The following RLN2 variants were observed in gnomAD, a reference collection of about 807,000 sequenced individuals.
RLN2 encodes the protein relaxin 2.
In RLN2, 10 loss-of-function variants were observed where a neutral mutation model predicts 7.3. The ratio of observed to expected loss-of-function variants is 1.36; its 90% confidence interval spans 0.84 to 2.31. The LOEUF is 2.31. Among genes scored for constraint, RLN2 ranks in the 30% most tolerant of loss-of-function variants. The probability of loss-of-function intolerance (pLI) is 0.00; values close to 1 mark genes in which losing one functional copy is unlikely to be tolerated. For synonymous variants in RLN2, 103 were observed against 82.3 expected (o/e 1.25, Z -1.36); for missense variants, 298 against 217.6 (o/e 1.37, Z -2.32).
the RLN2 span, among the ~76,000 whole-genome samples, chr9:5,330,611 C>T: frequency 2.9e-4 from 39 of 133,150 alleles, no homozygotes; most frequent in Non-Finnish European, 5.5e-4. Flanking sequence ...GCACTCCAGC[C>T]TGGGCGACAG....
At chr9:5,335,156 A>G in the RLN2 span, 1 of 664,580 alleles carries the variant, frequency 1.5e-6, no homozygotes. Flanking sequence ...GATTTCTTAT[A>G]TTCTAATAAT....
intron 1 of RLN2, among the ~76,000 whole-genome samples, chr9:5,302,592 A>G (rs1325038040): frequency 4.6e-5 from 7 of 152,234 alleles, no homozygotes; most frequent in Non-Finnish European, 7.4e-5. Flanking sequence ...TATACTGCAC[A>G]TCAATAAAGA....
At chr9:5,317,761 T>C in the RLN2 span, among the ~76,000 whole-genome samples, 9 of 152,044 alleles carry the variant, frequency 5.9e-5, no homozygotes, top group Non-Finnish European at 1.2e-4. Flanking sequence ...TTGCAAAAGA[T>C]GTAAATTGGT....
chr9:5,315,818 T>A, the RLN2 span, among the ~76,000 whole-genome samples: 6 of 151,822 alleles, frequency 4.0e-5, no homozygotes, highest in East Asian at 5.8e-4. Flanking sequence ...AAGAAAAAAA[T>A]TTTCAGGTGA....
At chr9:5,309,039 G>A (rs148004818), upstream of RLN2, among the ~76,000 whole-genome samples, 259 of 152,158 alleles carry the variant, frequency 1.7e-3, 1 homozygote, top group Non-Finnish European at 2.5e-3. Context: ...ATAAATTTCT[G>A]TCAGTCTCAT....
upstream of RLN2, among the ~76,000 whole-genome samples, chr9:5,308,959 C>G (rs1816300491): frequency 6.6e-6 from 1 of 152,240 alleles, no homozygotes; most frequent in South Asian, 2.1e-4. Context: ...CTGTTCCCAA[C>G]TGCAACACCC....
At chr9:5,326,728 A>G in the RLN2 span, among the ~76,000 whole-genome samples, 1 of 152,084 alleles carries the variant, frequency 6.6e-6, no homozygotes, top group Non-Finnish European at 1.5e-5. Context: ...CAAAATTTTT[A>G]TAAAGTGTAA....
At chr9:5,306,933 A>C (rs573474267), upstream of RLN2, among the ~76,000 whole-genome samples, 1 of 152,208 alleles carries the variant, frequency 6.6e-6, no homozygotes, top group East Asian at 1.9e-4. Context: ...CCTAAGCACA[A>C]GTGTGGAGGT....
the RLN2 span, among the ~76,000 whole-genome samples, chr9:5,321,648 A>G: frequency 6.6e-6 from 1 of 151,860 alleles, no homozygotes; most frequent in Non-Finnish European, 1.5e-5. Flanking sequence ...CAATGGAGAA[A>G]AAGAGGAAGA....
At chr9:5,315,975 G>A in the RLN2 span, among the ~76,000 whole-genome samples, 2 of 151,924 alleles carry the variant, frequency 1.3e-5, no homozygotes, top group Non-Finnish European at 2.9e-5. Context: ...GAAATAAAAG[G>A]ACACTAGTTA....
chr9:5,321,591 C>G, the RLN2 span, among the ~76,000 whole-genome samples: 1 of 150,146 alleles, frequency 6.7e-6, no homozygotes, highest in South Asian at 2.1e-4. Context: ...GGAAATAAGG[C>G]AGGAAGGAAG....
At chr9:5,325,210 C>T in the RLN2 span, among the ~76,000 whole-genome samples, 1 of 151,892 alleles carries the variant, frequency 6.6e-6, no homozygotes, top group Non-Finnish European at 1.5e-5. Context: ...TGCAAGTATA[C>T]AAGCTTAGTG....
upstream of RLN2, among the ~76,000 whole-genome samples, chr9:5,307,698 G>A (rs561611342): frequency 2.6e-5 from 4 of 151,982 alleles, no homozygotes; most frequent in Non-Finnish European, 5.9e-5. Flanking sequence ...TCGTCCTTCT[G>A]TGTTGGAATC....
intron 1 of RLN2, 119 bp downstream of exon 1, chr9:5,304,251 A>T: frequency 1.5e-6 from 1 of 658,782 alleles, no homozygotes; most frequent in Non-Finnish European, 2.6e-6. Flanking sequence ...GTAGGGGCTG[A>T]GCGGTGGCAG....
At chr9:5,318,699 G>A in the RLN2 span, among the ~76,000 whole-genome samples, 1 of 151,574 alleles carries the variant, frequency 6.6e-6, no homozygotes, top group Non-Finnish European at 1.5e-5. Context: ...TCAACCTTTT[G>A]GATTCAGAAA....
chr9:5,305,625 A>G (rs1419374405), upstream of RLN2, among the ~76,000 whole-genome samples: 1 of 151,974 alleles, frequency 6.6e-6, no homozygotes, highest in Non-Finnish European at 1.5e-5. Flanking sequence ...CAACCCTTCT[A>G]CCTGTAAATT....
the RLN2 span, among the ~76,000 whole-genome samples, chr9:5,323,057 T>C: frequency 2.0e-5 from 3 of 151,690 alleles, no homozygotes; most frequent in Admixed American, 6.6e-5. Flanking sequence ...GATAACTTTT[T>C]CTCACTGGAG....
the RLN2 span, among the ~76,000 whole-genome samples, chr9:5,315,556 C>T: frequency 6.6e-6 from 1 of 151,928 alleles, no homozygotes; most frequent in Non-Finnish European, 1.5e-5. Flanking sequence ...GAAAACTTCC[C>T]AAGTTTTGAA....
At chr9:5,326,005 A>T in the RLN2 span, among the ~76,000 whole-genome samples, 1 of 152,006 alleles carries the variant, frequency 6.6e-6, no homozygotes, top group Admixed American at 6.6e-5. Flanking sequence ...ATTTTTTTAA[A>T]TTACCACAGT....
Sources: allele counts gnomAD v4.1 joint callset (sites outside exome capture counted in the v4.1 genomes callset), GRCh38; gene constraint gnomAD v4.1.1; transcripts MANE v1.5; gene names NCBI Gene and HGNC (gene_info 2026-07-23, HGNC 2026-07-21).